The following INPP4B variants were observed in gnomAD, a reference collection of about 807,000 sequenced individuals.
INPP4B encodes the protein inositol polyphosphate 4-phosphatase type II.
Under a neutral mutation model 122.5 loss-of-function variants are expected in INPP4B, and 55 were observed. The observed-to-expected ratio is 0.45, with a 90% CI of 0.36 to 0.56. INPP4B has a LOEUF of 0.56. INPP4B is among the 20% of genes least tolerant of loss of function. The pLI, the probability that INPP4B is intolerant of heterozygous loss-of-function variation, is 0.00. For synonymous variants in INPP4B, 403 were observed against 388.7 expected (o/e 1.04, Z -0.43); for missense variants, 1,000 against 1,097.7 (o/e 0.91, Z 1.26).
At chr4:142,588,894 C>T (rs1025336343) in intron 2 of INPP4B, among the ~76,000 whole-genome samples, 4 of 151,742 alleles carry the variant, frequency 2.6e-5, no homozygotes, top group Non-Finnish European at 5.9e-5. Context: ...CAACGCAATA[C>T]TGAAAAAGAT....
intron 20 of INPP4B, 88 bp from the exon 21 acceptor site, chr4:142,122,333 A>G: frequency 3.1e-6 from 3 of 964,138 alleles, no homozygotes; most frequent in Non-Finnish European, 4.9e-6. Flanking sequence ...AATTTGTTCT[A>G]GCATTTTATT....
intron 1 of INPP4B, among the ~76,000 whole-genome samples, chr4:142,799,896 A>G (rs190141027): frequency 1.9e-3 from 287 of 152,130 alleles, no homozygotes; most frequent in African/African-American, 6.5e-3. Flanking sequence ...TTCTTCCAAT[A>G]TATCAATTAT....
At chr4:142,046,858 G>A (rs1044129523) in intron 25 of INPP4B, among the ~76,000 whole-genome samples, 18 of 152,000 alleles carry the variant, frequency 1.2e-4, no homozygotes, top group African/African-American at 4.3e-4. Context: ...GCAAGAGGAG[G>A]AAATGAACGA....
intron 2 of INPP4B, among the ~76,000 whole-genome samples, chr4:142,491,986 T>C (rs1249233224): frequency 6.6e-6 from 1 of 152,196 alleles, no homozygotes; most frequent in African/African-American, 2.4e-5. Context: ...GTAGTTCCCA[T>C]AATCCCCATG....
chr4:142,401,568 G>T (rs1329535393), intron 7 of INPP4B, among the ~76,000 whole-genome samples: 1 of 152,092 alleles, frequency 6.6e-6, no homozygotes, highest in Admixed American at 6.5e-5. Flanking sequence ...CTATTTATAA[G>T]AAAGCATGAG....
At chr4:142,229,607 G>A (rs998288976) in intron 12 of INPP4B, among the ~76,000 whole-genome samples, 2 of 152,122 alleles carry the variant, frequency 1.3e-5, no homozygotes, top group Non-Finnish European at 2.9e-5. Flanking sequence ...CATATGATCA[G>A]GACCAAGCAA....
At chr4:142,154,490 A>G (rs1265479744) in intron 17 of INPP4B, among the ~76,000 whole-genome samples, 1 of 152,126 alleles carries the variant, frequency 6.6e-6, no homozygotes, top group East Asian at 1.9e-4. Context: ...GTCACTACAG[A>G]GTTGATTAAG....
chr4:142,055,895 T>C (rs1480457686), intron 25 of INPP4B, among the ~76,000 whole-genome samples: 2 of 151,864 alleles, frequency 1.3e-5, no homozygotes, highest in African/African-American at 2.4e-5. Context: ...TTGTGATATA[T>C]AATAAAATAA....
chr4:142,030,055 T>A, intron 25 of INPP4B: 1 of 1,390,748 alleles, frequency 7.2e-7, no homozygotes, highest in African/African-American at 1.4e-5. Context: ...AATGTAAAAA[T>A]ATTACAGCAT....
chr4:142,558,793 T>TAAAAAAAAAAAAAAAAAAAAAAAAAAA (rs34151070), intron 2 of INPP4B, among the ~76,000 whole-genome samples: 1 of 75,546 alleles, frequency 1.3e-5, no homozygotes, highest in African/African-American at 5.0e-5. Flanking sequence ...AGACTCCCTC[T>TAAAAAAAAAAAAAAAAAAAAAAAAAAA]AAAAAAAAAA....
intron 2 of INPP4B, among the ~76,000 whole-genome samples, chr4:142,627,799 A>G (rs942146454): frequency 6.6e-6 from 1 of 152,022 alleles, no homozygotes; most frequent in African/African-American, 2.4e-5. Flanking sequence ...CTCTTTTTCT[A>G]TTGATTGGAA....
intron 7 of INPP4B, among the ~76,000 whole-genome samples, chr4:142,320,673 A>C (rs1327512525): frequency 6.6e-6 from 1 of 152,082 alleles, no homozygotes; most frequent in African/African-American, 2.4e-5. Context: ...CCAAGTCCCC[A>C]AAATCTACTT....
At chr4:142,588,403 T>C (rs1334604451) in intron 2 of INPP4B, among the ~76,000 whole-genome samples, 1 of 151,640 alleles carries the variant, frequency 6.6e-6, no homozygotes, top group Non-Finnish European at 1.5e-5. Context: ...ATGTAGAAAA[T>C]ACTAAAGAAC....
chr4:142,730,710 T>A (rs1323945981), intron 1 of INPP4B, among the ~76,000 whole-genome samples: 1 of 152,226 alleles, frequency 6.6e-6, no homozygotes, highest in Non-Finnish European at 1.5e-5. Flanking sequence ...CTGTCGTGTC[T>A]CCACAGATAT....
chr4:142,341,929 C>T (rs1357964998), intron 7 of INPP4B, among the ~76,000 whole-genome samples: 1 of 152,074 alleles, frequency 6.6e-6, no homozygotes. Flanking sequence ...CCCAGTTAAG[C>T]CTCCAGATGA....
At chr4:142,471,116 T>A (rs1818738778) in intron 2 of INPP4B, among the ~76,000 whole-genome samples, 1 of 152,204 alleles carries the variant, frequency 6.6e-6, no homozygotes, top group Non-Finnish European at 1.5e-5. Flanking sequence ...TTTAACTTTA[T>A]CTCCGTGAAG....
At chr4:142,079,162 G>T (rs1304028885) in intron 25 of INPP4B, among the ~76,000 whole-genome samples, 1 of 151,904 alleles carries the variant, frequency 6.6e-6, no homozygotes, top group African/African-American at 2.4e-5. Context: ...TTTAAAAATA[G>T]ATTTAAGGGG....
At chr4:142,759,967 T>C (rs1303180422) in intron 1 of INPP4B, among the ~76,000 whole-genome samples, 1 of 152,018 alleles carries the variant, frequency 6.6e-6, no homozygotes, top group Non-Finnish European at 1.5e-5. Context: ...GGGGGCTTTT[T>C]CCTAAACTTA....
At chr4:142,337,065 T>C (rs954921000) in intron 7 of INPP4B, among the ~76,000 whole-genome samples, 3 of 152,126 alleles carry the variant, frequency 2.0e-5, no homozygotes, top group Non-Finnish European at 4.4e-5. Context: ...TTATGTAAAA[T>C]ACATAAATAC....
Sources: allele counts gnomAD v4.1 joint callset (sites outside exome capture counted in the v4.1 genomes callset), GRCh38; gene constraint gnomAD v4.1.1; transcripts MANE v1.5; gene names NCBI Gene and HGNC (gene_info 2026-07-23, HGNC 2026-07-21).